The following TENM2 variants were observed in gnomAD, a reference collection of about 807,000 sequenced individuals.
TENM2 encodes teneurin transmembrane protein 2.
TENM2 carries 52 observed loss-of-function variants against 245.2 expected under a neutral mutation model. The ratio of observed to expected loss-of-function variants is 0.21; its 90% CI spans 0.17 to 0.27. The LOEUF is 0.27. TENM2 is among the 10% of genes least tolerant of loss of function. The probability of loss-of-function intolerance (pLI) is 1.00; values close to 1 mark genes in which losing one functional copy is unlikely to be tolerated. For synonymous variants in TENM2, 1,363 were observed against 1,438.9 expected, an observed-to-expected ratio of 0.95 and a Z score of 1.19; for missense variants, 3,046 against 3,666.8, an observed-to-expected ratio of 0.83 and a Z score of 4.37.
intron 2 of TENM2, among the ~76,000 whole-genome samples, chr5:167,453,849 A>G (rs1765751278): frequency 6.6e-6 from 1 of 152,174 alleles, no homozygotes; most frequent in African/African-American, 2.4e-5. Context: ...TCATTTTGGA[A>G]TATTTGCTAG....
rs537478788 is a variant in TENM2 at position 167,698,804 on chromosome 5, C to T, written c.503-177182C>T. Among the ~76,000 whole-genome samples the T allele has an allele frequency of 1.5e-4, 22 of 151,530 alleles. No homozygotes were observed. In the East Asian group the frequency reaches 3.7e-3, roughly 25 times the overall value. On this transcript the variant is annotated intron_variant, in intron 2 of 28. Coordinates refer to ENST00000518659, the Ensembl canonical transcript of TENM2. ...ATTCACGCCTTTCTCCTGCCTCAGC[C>T]TCCTGAGTAGCTGGGACTACAGGTG...
chr5:168,010,197 G>T (rs988971091), intron 5 of TENM2, among the ~76,000 whole-genome samples: 1 of 152,230 alleles, frequency 6.6e-6, no homozygotes, highest in Non-Finnish European at 1.5e-5. Context: ...TATCAGCCAG[G>T]TTAGAATAAT....
chr5:168,174,149 G>A (rs530018416), intron 13 of TENM2, among the ~76,000 whole-genome samples: 1 of 152,300 alleles, frequency 6.6e-6, no homozygotes, highest in South Asian at 2.1e-4. Flanking sequence ...ACAGAAGGCT[G>A]ATATATCTGC....
the TENM2 span, among the ~76,000 whole-genome samples, chr5:167,105,608 G>A: frequency 6.6e-6 from 1 of 152,046 alleles, no homozygotes; most frequent in East Asian, 1.9e-4. Context: ...AAAGTGATCG[G>A]CCGGGCGCGG....
At chr5:167,491,427 T>C (rs1259285513) in intron 2 of TENM2, among the ~76,000 whole-genome samples, 1 of 152,134 alleles carries the variant, frequency 6.6e-6, no homozygotes, top group Non-Finnish European at 1.5e-5. Context: ...GATCATTCTT[T>C]CCATCTGTAA....
chr5:167,974,490 C>G (rs558066674), intron 4 of TENM2, among the ~76,000 whole-genome samples: 3 of 148,898 alleles, frequency 2.0e-5, no homozygotes, highest in Admixed American at 6.7e-5. Context: ...GAGATACATA[C>G]TTAAAGTAGG....
chr5:168,227,169 G>A (rs372284585), intron 24 of TENM2, among the ~76,000 whole-genome samples: 1 of 152,216 alleles, frequency 6.6e-6, no homozygotes, highest in Non-Finnish European at 1.5e-5. Flanking sequence ...TGTAAAAGGA[G>A]TCTCTGACTC....
chr5:167,236,881 C>CTT, the TENM2 span, among the ~76,000 whole-genome samples: 3,117 of 141,362 alleles, frequency 0.022, 104 homozygotes, highest in African/African-American at 0.077. Flanking sequence ...ACTTCTATAC[C>CTT]TTTTTTTTTT....
At chr5:167,920,587 G>T (rs953294065) in intron 3 of TENM2, among the ~76,000 whole-genome samples, 5 of 150,878 alleles carry the variant, frequency 3.3e-5, no homozygotes, top group African/African-American at 1.2e-4. Flanking sequence ...TATTGTAGAT[G>T]CTGAGGGCAC....
At chr5:167,768,890 G>A (rs570233624) in intron 2 of TENM2, among the ~76,000 whole-genome samples, 1 of 152,214 alleles carries the variant, frequency 6.6e-6, no homozygotes, top group South Asian at 2.1e-4. Flanking sequence ...GAGACGGGAT[G>A]TATAGGTAAG....
At position 168,195,173 on chromosome 5, in the gene TENM2, C is replaced by T. The variant is rs935402820; in HGVS notation, c.2781-3C>T. The T allele has an allele frequency of 5.7e-6, 9 of 1,592,322 alleles. No homozygotes were observed. Among genetic ancestry groups the T allele is most frequent in the Middle Eastern group, 1.7e-4 (1 of 6,036 alleles). On this transcript the variant is annotated splice_region_variant and splice_polypyrimidine_tract_variant and intron_variant, in intron 14 of 28. Coordinates refer to ENST00000518659, the Ensembl canonical transcript of TENM2. ...CAAAGACCTCTGTTTCTGTCTTTCTCAGCTTGGTTTCTCTCATCCGAGGCC... is the reference window on the plus strand; with the variant it reads ...CAAAGACCTCTGTTTCTGTCTTTCTTAGCTTGGTTTCTCTCATCCGAGGCC...
rs188687495 is a variant in TENM2, at chr5:168,102,285, C to T, written c.1813+4158C>T. On this transcript the variant is annotated intron_variant, in intron 9 of 28. Coordinates refer to ENST00000518659, the Ensembl canonical transcript of TENM2. ...ACGGGGTTTCTCCATGTTGGTCAGG[C>T]TGGTCTTGAACTCCCGACCTCAGGT... is the stretch of plus-strand genomic sequence containing the variant. Among the ~76,000 whole-genome samples, 5 of 152,258 alleles carry T rather than the reference C, an allele frequency of 3.3e-5. No homozygotes were observed. In the East Asian group the frequency reaches 9.7e-4, roughly 29 times the overall value.
the TENM2 span, among the ~76,000 whole-genome samples, chr5:167,231,332 T>A: frequency 6.6e-6 from 1 of 152,182 alleles, no homozygotes; most frequent in South Asian, 2.1e-4. Flanking sequence ...TGGAACTTCG[T>A]AGAGACTTGT....
At chr5:167,366,329 A>G (rs1368480339) in intron 1 of TENM2, among the ~76,000 whole-genome samples, 3 of 152,144 alleles carry the variant, frequency 2.0e-5, no homozygotes, top group African/African-American at 7.2e-5. Flanking sequence ...TTCTAAATCA[A>G]CTCATGACAA....
intron 27 of TENM2, among the ~76,000 whole-genome samples, chr5:168,250,702 T>G (rs1015052406): frequency 1.3e-5 from 2 of 152,180 alleles, no homozygotes; most frequent in Non-Finnish European, 2.9e-5. Context: ...CCGGAAGTTA[T>G]GGCCAAGCGA....
chr5:167,136,886 G>A, the TENM2 span, among the ~76,000 whole-genome samples: 85 of 152,080 alleles, frequency 5.6e-4, no homozygotes, highest in Admixed American at 1.9e-3. Context: ...GACTGTATTA[G>A]TCTATTCAGG....
chr5:168,029,605 T>A (rs1334910674), intron 5 of TENM2, among the ~76,000 whole-genome samples: 5 of 152,196 alleles, frequency 3.3e-5, no homozygotes, highest in Admixed American at 6.5e-5. Context: ...TCTGCCAAAC[T>A]GTGCACCTGC....
chr5:167,301,791 A>G lies in TENM2; in HGVS notation c.226+16728A>G, dbSNP rs190081756. Among the ~76,000 whole-genome samples the G allele has an allele frequency of 4.0e-3, 608 of 152,198 alleles. 6 individuals are homozygous for G. Among genetic ancestry groups the G allele is most frequent in the African/African-American group, 0.014 (581 of 41,520 alleles). On this transcript the variant is annotated intron_variant, in intron 1 of 28. Coordinates refer to ENST00000518659, the Ensembl canonical transcript of TENM2. ...GGAAAAAGGAGCATTAACCTTGACT[A>G]TGCCTTTAGCTCCAGCCACCTTTTT...
At chr5:167,409,006 A>AT (rs1762773593) in intron 2 of TENM2, among the ~76,000 whole-genome samples, 1 of 151,192 alleles carries the variant, frequency 6.6e-6, no homozygotes, top group Non-Finnish European at 1.5e-5. Context: ...GTGTGCAATC[A>AT]TTTTTTAGGG....
Sources: gnomAD v4.1 joint callset for allele counts (sites outside exome capture counted in the v4.1 genomes callset) on GRCh38, gnomAD v4.1.1 for gene constraint, MANE v1.5 for transcripts, NCBI Gene and HGNC (gene_info 2026-07-23, HGNC 2026-07-21) for gene names.